Variants in TBC1D31 observed in about 807,000 individuals in gnomAD.
The protein encoded by TBC1D31 is TBC1 domain family member 31, also known as WD repeat domain 67.
In TBC1D31, 99 loss-of-function variants were observed where a neutral mutation model predicts 132.9. The ratio of observed to expected loss-of-function variants is 0.74; its 90% CI spans 0.63 to 0.88. The LOEUF (loss-of-function observed/expected upper bound fraction) is 0.88, where lower values mean the gene tolerates loss of function less well. TBC1D31 is among the 40% of genes least tolerant of loss of function. The pLI, the probability that TBC1D31 is intolerant of heterozygous loss-of-function variation, is 0.00. For missense variants in TBC1D31, 1,134 were observed against 1,256.6 expected (o/e 0.90, Z 1.48); for synonymous variants, 385 against 419.4 (o/e 0.92, Z 1.00).
the TBC1D31 span, among the ~76,000 whole-genome samples, chr8:123,157,435 C>A: frequency 1.3e-5 from 2 of 152,114 alleles, no homozygotes; most frequent in Non-Finnish European, 2.9e-5. Context: ...TGCGTCCTGC[C>A]CCTGTCCCGT....
chr8:123,140,987 CTG>C (rs1821603140), intron 18 of TBC1D31, 86 bp downstream of exon 18: 9 of 1,273,876 alleles, frequency 7.1e-6, no homozygotes, highest in Admixed American at 4.5e-5. Flanking sequence ...AAATTAAACT[CTG>C]TGAAGTTGAG....
At chr8:123,083,017 T>C in intron 3 of TBC1D31, 200 bp downstream of exon 3, 1 of 517,346 alleles carries the variant, frequency 1.9e-6, no homozygotes, top group Non-Finnish European at 3.4e-6. Flanking sequence ...CTGACTACTG[T>C]CAGGTTTGAT....
At chr8:123,085,408 G>A (rs1321938409) in intron 4 of TBC1D31, among the ~76,000 whole-genome samples, 1 of 152,020 alleles carries the variant, frequency 6.6e-6, no homozygotes, top group Non-Finnish European at 1.5e-5. Flanking sequence ...AATAGTTTAT[G>A]TAAGGCTTTT....
chr8:123,149,989 T>C (rs1292309757), intron 20 of TBC1D31, 47 bp from the exon 21 acceptor site: 1 of 1,412,926 alleles, frequency 7.1e-7, no homozygotes. Flanking sequence ...AGTAAGCCTT[T>C]CTACTCACTC....
Position 123,074,176 on chromosome 8 carries a change from C to A in TBC1D31, c.77+1330C>A, listed in dbSNP as rs1814237788. Among the ~76,000 whole-genome samples the A allele has an allele frequency of 2.0e-5, 3 of 152,078 alleles. No individual in the cohort carries two copies. The South Asian group carries it at 6.2e-4, about 31-fold the overall frequency. The stretch of plus-strand genomic sequence containing the variant: ...CCTCCTGAGTAGCTGGGATTACAGG[C>A]GCACCACTCCCGGCTAATTTTTTGT... On this transcript the variant is annotated intron_variant, in intron 1 of 21. Transcript: ENST00000287380.
rs116860839 is a variant in TBC1D31 at position 123,142,309 on chromosome 8, C to T, written c.2688C>T (p.Thr896=). 728 of 1,597,850 alleles carry T rather than the reference C, an allele frequency of 4.6e-4. 7 individuals carry two copies. In the South Asian group the frequency reaches 7.5e-3, roughly 17 times the overall value. Residue 896 remains threonine (T), a synonymous_variant, in exon 19 of 22, where the codon ACC becomes ACT. Coordinates refer to ENST00000287380, the MANE Select transcript of TBC1D31 (RefSeq NM_145647.4). The part of the protein sequence containing the change: ...LAKAEQACLN[T]DWQIQSLHKQ... Reference sequence around the variant, plus strand: ...AGGCTGAACAAGCATGCCTAAATACCGACTGGCAGATTCAGTCTTTACATA... The same window carrying T: ...AGGCTGAACAAGCATGCCTAAATACTGACTGGCAGATTCAGTCTTTACATA...
At chr8:123,134,305 G>A (rs2130848948) in intron 17 of TBC1D31, 99 bp downstream of exon 17, 1 of 883,966 alleles carries the variant, frequency 1.1e-6, no homozygotes, top group Non-Finnish European at 1.8e-6. Flanking sequence ...GAGGTGGAAG[G>A]AGGATCACTT....
Position 123,152,153 on chromosome 8 carries a change from A to G in TBC1D31, c.*214A>G. On this transcript the variant is annotated 3_prime_UTR_variant, in exon 22 of 22. Coordinates refer to ENST00000287380, the MANE Select transcript of TBC1D31 (RefSeq NM_145647.4). ...ATAAAAATGTTTTAGAAACTGTTAA[A>G]GCTGTGTTAAGCTTTCAGGTTGCAG... is the stretch of plus-strand genomic sequence containing the variant. 2.5e-6 allele frequency: 1 copy of G among 402,292 alleles called. No homozygotes were observed. The highest frequency in any genetic ancestry group is 4.2e-6 in the Non-Finnish European group (1 of 238,400). The allele number at this position is 402,292 out of a possible 1,614,324, so 24.9% of individuals were successfully genotyped here.
intron 6 of TBC1D31, 156 bp downstream of exon 6, chr8:123,097,597 A>G: frequency 1.2e-6 from 1 of 846,136 alleles, no homozygotes; most frequent in Non-Finnish European, 1.7e-6. Context: ...GGATTGAAAA[A>G]AATTTCAAAA....
chr8:123,094,827 C>T (rs891176329), intron 5 of TBC1D31, among the ~76,000 whole-genome samples: 3 of 152,192 alleles, frequency 2.0e-5, no homozygotes, highest in Non-Finnish European at 2.9e-5. Context: ...AGGCGTGAGC[C>T]ACTGCACCCG....
chr8:123,085,153 A>G (rs948718152), intron 4 of TBC1D31, among the ~76,000 whole-genome samples: 1 of 152,218 alleles, frequency 6.6e-6, no homozygotes, highest in African/African-American at 2.4e-5. Context: ...TTAAGCCTGT[A>G]CTTAATTAAC....
intron 8 of TBC1D31, among the ~76,000 whole-genome samples, chr8:123,106,099 T>G (rs1017876853): frequency 5.9e-5 from 9 of 152,256 alleles, no homozygotes; most frequent in Admixed American, 3.9e-4. Flanking sequence ...CCTGATATTT[T>G]TCACATTGAT....
chr8:123,084,214 G>T lies in TBC1D31; in HGVS notation c.393G>T (p.Ser131=), dbSNP rs146436284. 24 of 1,614,130 alleles carry T rather than the reference G, an allele frequency of 1.5e-5. No individual in the cohort carries two copies. Among genetic ancestry groups the T allele is most frequent in the African/African-American group, 1.3e-4 (10 of 75,032 alleles). ...WMRGHESSVF[S]ISVHASGKYA... ...GAGGACATGAATCATCAGTATTTTC[G>T]ATCTCTGTGCATGCATCAGGGAAAT... The change falls in exon 4 of 22, where the codon TCG becomes TCT. Residue 131 remains serine (S), a synonymous_variant. Transcript: ENST00000287380.
chr8:123,107,649 G>A (rs116611513), intron 8 of TBC1D31, among the ~76,000 whole-genome samples: 1,588 of 152,262 alleles, frequency 0.01, 27 homozygotes, highest in African/African-American at 0.036. Context: ...GGTGGGAATG[G>A]TCATGAGCAA....
intron 16 of TBC1D31, 64 bp downstream of exon 16, chr8:123,130,397 A>T: frequency 7.0e-7 from 1 of 1,427,714 alleles, no homozygotes; most frequent in Non-Finnish European, 9.5e-7. Flanking sequence ...AATGTAATGA[A>T]CACCTTCAAA....
chr8:123,127,121 A>C (rs1434521005), intron 13 of TBC1D31, among the ~76,000 whole-genome samples: 3 of 152,178 alleles, frequency 2.0e-5, no homozygotes, highest in African/African-American at 7.2e-5. Context: ...TAGTAGGAAT[A>C]TAAAGGATAA....
At chr8:123,102,285 A>T (rs2130397202) in intron 7 of TBC1D31, 1 of 456,676 alleles carries the variant, frequency 2.2e-6, no homozygotes, top group Non-Finnish European at 4.4e-6. Context: ...ACAGCGAGTA[A>T]CTAGCAGTTC....
At chr8:123,161,732 A>G in the TBC1D31 span, among the ~76,000 whole-genome samples, 4 of 152,134 alleles carry the variant, frequency 2.6e-5, no homozygotes, top group Admixed American at 2.6e-4. Flanking sequence ...AATATACCCA[A>G]TGGGCCCGGT....
At chr8:123,111,967 C>T (rs552134435) in intron 10 of TBC1D31, among the ~76,000 whole-genome samples, 1 of 152,172 alleles carries the variant, frequency 6.6e-6, no homozygotes, top group African/African-American at 2.4e-5. Context: ...GATCCTCCCC[C>T]CTTAGCCTCC....
Sources: gnomAD v4.1 joint callset for allele counts (sites outside exome capture counted in the v4.1 genomes callset) on GRCh38, gnomAD v4.1.1 for gene constraint, MANE v1.5 for transcripts, NCBI Gene and HGNC (gene_info 2026-07-23, HGNC 2026-07-21) for gene names.